CA10: variants seen among roughly 807,000 people sequenced by gnomAD.
The protein encoded by CA10 is carbonic anhydrase 10 (inactive), also known as carbonic anhydrase-related protein 10.
In CA10, 14 loss-of-function variants were observed where a neutral mutation model predicts 44.2. That is an observed-to-expected ratio of 0.32 (90% CI 0.21 to 0.50). The LOEUF (loss-of-function observed/expected upper bound fraction) is 0.50, where lower values mean the gene tolerates loss of function less well. Among genes scored for constraint, CA10 ranks in the 20% least tolerant of loss-of-function variants. The pLI is 0.99. For synonymous variants in CA10, 159 were observed against 141.6 expected, an observed-to-expected ratio of 1.12 and a Z score of -0.87; for missense variants, 350 against 409.7, an observed-to-expected ratio of 0.85 and a Z score of 1.26.
At position 51,654,775 on chromosome 17, in the gene CA10, C is replaced by A. The variant is rs1457056867; in HGVS notation, c.466-1039G>T. On this transcript the variant is annotated intron_variant, in intron 4 of 8. Transcript: ENST00000451037. Reference sequence around the variant, plus strand: ...GTTTCACCATGTTACCCAGGATGGTCTCCATCTCCTGACCTCGTGATCCAC... The same window carrying A: ...GTTTCACCATGTTACCCAGGATGGTATCCATCTCCTGACCTCGTGATCCAC... Among the ~76,000 whole-genome samples the A allele has an allele frequency of 4.6e-5, 7 of 152,212 alleles. No homozygotes were observed. The East Asian group carries it at 1.2e-3, about 25-fold the overall frequency.
chr17:52,052,428 G>A (rs552420667), intron 2 of CA10, among the ~76,000 whole-genome samples: 1 of 151,860 alleles, frequency 6.6e-6, no homozygotes, highest in South Asian at 2.1e-4. Flanking sequence ...ATGAAAAGAG[G>A]ACTCACTTAG....
intron 4 of CA10, among the ~76,000 whole-genome samples, chr17:51,683,931 TG>T (rs1463241652): frequency 6.6e-6 from 1 of 152,226 alleles, no homozygotes; most frequent in Non-Finnish European, 1.5e-5. Flanking sequence ...CTCCTAAGCC[TG>T]GTCCCACCCT....
At chr17:51,930,704 G>A (rs1046152606) in intron 3 of CA10, among the ~76,000 whole-genome samples, 1 of 152,120 alleles carries the variant, frequency 6.6e-6, no homozygotes, top group African/African-American at 2.4e-5. Flanking sequence ...ATAGGCAGGG[G>A]TGGCCACTAT....
At chr17:51,908,454 C>T (rs1027877453) in intron 3 of CA10, among the ~76,000 whole-genome samples, 1 of 152,218 alleles carries the variant, frequency 6.6e-6, no homozygotes, top group East Asian at 1.9e-4. Flanking sequence ...TTCTTCTGCC[C>T]TGGTATGTAT....
chr17:52,067,577 C>T lies in CA10; in HGVS notation c.136+4742G>A, dbSNP rs139303007. ...CTGTGAGAAAAGGACCAAGATCCTC[C>T]TGACCCCAGAATGGTAGATCCACCA... On this transcript the variant is annotated intron_variant, in intron 2 of 8. Coordinates refer to ENST00000451037, the MANE Select transcript of CA10 (RefSeq NM_020178.5). 1.4e-3 allele frequency among the ~76,000 whole-genome samples: 215 copies of T among 152,326 alleles called. 4 individuals are homozygous for T. The highest frequency in any genetic ancestry group is 3.4e-3 in the Middle Eastern group (1 of 294).
At chr17:51,868,002 T>C (rs558930875) in intron 3 of CA10, among the ~76,000 whole-genome samples, 1 of 151,996 alleles carries the variant, frequency 6.6e-6, no homozygotes, top group East Asian at 1.9e-4. Flanking sequence ...TAAACATAAA[T>C]AAGCCTAGGT....
intron 3 of CA10, among the ~76,000 whole-genome samples, chr17:51,780,483 T>C (rs549939298): frequency 6.6e-6 from 1 of 152,296 alleles, no homozygotes; most frequent in East Asian, 1.9e-4. Context: ...CACAGTATGC[T>C]AAGAAGCAGG....
At chr17:52,105,441 G>C (rs1988640002) in intron 1 of CA10, among the ~76,000 whole-genome samples, 1 of 152,024 alleles carries the variant, frequency 6.6e-6, no homozygotes, top group Admixed American at 6.5e-5. Flanking sequence ...TTTTTTAGTA[G>C]AGAGGGGGTT....
intron 4 of CA10, among the ~76,000 whole-genome samples, chr17:51,723,680 C>T (rs761459033): frequency 2.0e-5 from 3 of 152,156 alleles, no homozygotes; most frequent in Non-Finnish European, 4.4e-5. Flanking sequence ...TCTTTTTTAG[C>T]CTACTTGTCA....
At chr17:52,017,209 C>A (rs1012237482) in intron 2 of CA10, among the ~76,000 whole-genome samples, 2 of 152,064 alleles carry the variant, frequency 1.3e-5, no homozygotes, top group African/African-American at 4.8e-5. Flanking sequence ...TATAAAGATA[C>A]CTGAAAATGT....
chr17:51,699,323 C>CAAA (rs35215515), intron 4 of CA10, among the ~76,000 whole-genome samples: 1 of 128,860 alleles, frequency 7.8e-6, no homozygotes. Flanking sequence ...AACTCCATCT[C>CAAA]AAAAAAAAAA....
chr17:51,864,244 G>A (rs1164615245), intron 3 of CA10, among the ~76,000 whole-genome samples: 1 of 151,952 alleles, frequency 6.6e-6, no homozygotes, highest in Non-Finnish European at 1.5e-5. Flanking sequence ...CGGGGAAAAA[G>A]GAAAGCCAAT....
chr17:51,700,100 C>T (rs982969670), intron 4 of CA10, among the ~76,000 whole-genome samples: 13 of 152,180 alleles, frequency 8.5e-5, no homozygotes, highest in Admixed American at 7.8e-4. Context: ...CTGCACGATG[C>T]TGCAGAGAGA....
At chr17:52,140,740 G>A (rs1989460353) in intron 1 of CA10, among the ~76,000 whole-genome samples, 1 of 152,116 alleles carries the variant, frequency 6.6e-6, no homozygotes, top group Non-Finnish European at 1.5e-5. Context: ...TCCAGCTCCT[G>A]TGAGCCCTGT....
intron 1 of CA10, among the ~76,000 whole-genome samples, chr17:52,120,734 C>T (rs150782128): frequency 3.3e-5 from 5 of 152,132 alleles, no homozygotes; most frequent in African/African-American, 4.8e-5. Flanking sequence ...CAGGAATTCA[C>T]GCCTCATGCA....
intron 2 of CA10, among the ~76,000 whole-genome samples, chr17:52,042,948 T>G (rs1286579431): frequency 6.6e-6 from 1 of 152,060 alleles, no homozygotes; most frequent in African/African-American, 2.4e-5. Flanking sequence ...GTTCTATTGG[T>G]CTGTTTGTCT....
At chr17:51,672,170 C>G (rs567403851) in intron 4 of CA10, among the ~76,000 whole-genome samples, 3 of 152,266 alleles carry the variant, frequency 2.0e-5, no homozygotes, top group African/African-American at 7.2e-5. Context: ...ACCCATATTC[C>G]CACATTTCTT....
At chr17:51,652,327 C>A (rs1054370506) in intron 5 of CA10, among the ~76,000 whole-genome samples, 2 of 152,192 alleles carry the variant, frequency 1.3e-5, no homozygotes, top group Non-Finnish European at 2.9e-5. Flanking sequence ...ATTCAGAAAT[C>A]TACTGTTTAT....
chr17:51,708,990 G>A lies in CA10; in HGVS notation c.465+38643C>T, dbSNP rs138016154. ...CCTCAGGTTGCAGACGGTCTATTGT[G>A]GGACTTCACCTTGTGATTGTGTGAG... is the stretch of plus-strand genomic sequence containing the variant. On this transcript the variant is annotated intron_variant, in intron 4 of 8. Transcript: ENST00000451037. 3.9e-4 allele frequency among the ~76,000 whole-genome samples: 59 copies of A among 152,280 alleles called. 1 individual carries two copies. The highest frequency in any genetic ancestry group is 1.3e-3 in the African/African-American group (55 of 41,562).
Sources: gnomAD v4.1 joint callset for allele counts (sites outside exome capture counted in the v4.1 genomes callset) on GRCh38, gnomAD v4.1.1 for gene constraint, MANE v1.5 for transcripts, NCBI Gene and HGNC (gene_info 2026-07-23, HGNC 2026-07-21) for gene names.